The following MAF variants were observed in gnomAD, a reference collection of about 807,000 sequenced individuals.
MAF encodes the protein MAF bZIP transcription factor.
A neutral mutation model predicts 22.0 loss-of-function variants in MAF; 10 were observed. That is an observed-to-expected ratio of 0.45 (90% CI 0.28 to 0.77). MAF has a LOEUF of 0.77. Among genes scored for constraint, MAF ranks in the 30% least tolerant of loss-of-function variants. The pLI, the probability that MAF is intolerant of heterozygous loss-of-function variation, is 0.12. For synonymous variants in MAF, 337 were observed against 255.8 expected, an observed-to-expected ratio of 1.32 and a Z score of -3.03; for missense variants, 544 against 548.4, an observed-to-expected ratio of 0.99 and a Z score of 0.08.
At chr16:79,442,251 T>C in the MAF span, among the ~76,000 whole-genome samples, 1 of 152,212 alleles carries the variant, frequency 6.6e-6, no homozygotes, top group African/African-American at 2.4e-5. Context: ...AGGACCAAGA[T>C]ATCGGTGATG....
chr16:79,325,616 C>G, the MAF span, among the ~76,000 whole-genome samples: 1 of 148,054 alleles, frequency 6.8e-6, no homozygotes, highest in African/African-American at 2.7e-5. Context: ...CACACACACA[C>G]ACACACACAC....
At chr16:79,590,574 A>AC (rs1913135680), downstream of MAF, among the ~76,000 whole-genome samples, 1 of 152,136 alleles carries the variant, frequency 6.6e-6, no homozygotes, top group Non-Finnish European at 1.5e-5. Context: ...ATTGGACAGG[A>AC]GTCAGGTGGG....
At chr16:79,494,643 C>T in the MAF span, among the ~76,000 whole-genome samples, 1 of 152,290 alleles carries the variant, frequency 6.6e-6, no homozygotes, top group African/African-American at 2.4e-5. Flanking sequence ...AGTACTCACA[C>T]CACACTTCTG....
At chr16:79,210,378 G>C in the MAF span, among the ~76,000 whole-genome samples, 1 of 152,136 alleles carries the variant, frequency 6.6e-6, no homozygotes, top group Non-Finnish European at 1.5e-5. Flanking sequence ...TTGCAAACCA[G>C]ACCATTTGAG....
chr16:79,438,512 T>G, the MAF span, among the ~76,000 whole-genome samples: 1 of 152,144 alleles, frequency 6.6e-6, no homozygotes, highest in Admixed American at 6.5e-5. Context: ...GAAGTGGCAT[T>G]TGCTGGGTAC....
At chr16:79,487,518 T>C in the MAF span, among the ~76,000 whole-genome samples, 1 of 152,182 alleles carries the variant, frequency 6.6e-6, no homozygotes, top group Non-Finnish European at 1.5e-5. Flanking sequence ...AAGGCATTTT[T>C]TCTGTTTGGG....
the MAF span, among the ~76,000 whole-genome samples, chr16:79,333,957 G>A: frequency 5.3e-5 from 8 of 152,172 alleles, no homozygotes; most frequent in South Asian, 6.2e-4. Context: ...ATATAACCAC[G>A]TGTGGAAACC....
At chr16:79,386,321 G>C in the MAF span, among the ~76,000 whole-genome samples, 4 of 152,210 alleles carry the variant, frequency 2.6e-5, no homozygotes, top group Non-Finnish European at 4.4e-5. Flanking sequence ...ATCTGGGGGT[G>C]ATGGGAGACA....
chr16:79,377,018 T>G, the MAF span, among the ~76,000 whole-genome samples: 2 of 152,214 alleles, frequency 1.3e-5, no homozygotes, highest in Non-Finnish European at 2.9e-5. Flanking sequence ...GCATGTTTTA[T>G]AATCCTTTGG....
chr16:79,261,101 G>A, the MAF span, among the ~76,000 whole-genome samples: 1 of 152,124 alleles, frequency 6.6e-6, no homozygotes, highest in South Asian at 2.1e-4. Flanking sequence ...GGGAGCAGGT[G>A]AGGAAGCTGG....
the MAF span, among the ~76,000 whole-genome samples, chr16:79,316,487 C>T: frequency 6.6e-6 from 1 of 152,170 alleles, no homozygotes; most frequent in South Asian, 2.1e-4. Flanking sequence ...TGTCTCTGAG[C>T]CTCGGTTTTC....
At chr16:79,537,261 G>C in the MAF span, among the ~76,000 whole-genome samples, 16 of 152,142 alleles carry the variant, frequency 1.1e-4, no homozygotes, top group Non-Finnish European at 8.8e-5. Context: ...GTTTTCCTTT[G>C]TGAGGCTGCA....
At chr16:79,350,593 T>A in the MAF span, among the ~76,000 whole-genome samples, 1 of 152,128 alleles carries the variant, frequency 6.6e-6, no homozygotes, top group Non-Finnish European at 1.5e-5. Context: ...GGCCCCACGC[T>A]GAAAAACCTC....
the MAF span, among the ~76,000 whole-genome samples, chr16:79,465,591 C>A: frequency 6.6e-6 from 1 of 152,086 alleles, no homozygotes; most frequent in East Asian, 1.9e-4. Flanking sequence ...CAGAGCGAGA[C>A]CCTGTTTCAA....
intron 1 of MAF, among the ~76,000 whole-genome samples, chr16:79,586,332 T>C (rs113496756): frequency 5.3e-5 from 8 of 152,210 alleles, no homozygotes; most frequent in African/African-American, 1.9e-4. Context: ...TCAAGGACTC[T>C]CAGGCTGTCC....
At chr16:79,371,017 C>G in the MAF span, among the ~76,000 whole-genome samples, 2 of 152,206 alleles carry the variant, frequency 1.3e-5, no homozygotes, top group African/African-American at 4.8e-5. Context: ...ATAAAGAATT[C>G]AGGCATGGCT....
At chr16:79,276,189 C>G in the MAF span, among the ~76,000 whole-genome samples, 2 of 151,908 alleles carry the variant, frequency 1.3e-5, no homozygotes, top group Admixed American at 6.6e-5. Flanking sequence ...GAAAACAGGC[C>G]ACAGACTCCA....
At chr16:79,211,924 TCACAACA>T in the MAF span, 4 of 1,539,894 alleles carry the variant, frequency 2.6e-6, no homozygotes, top group Admixed American at 2.0e-5. Flanking sequence ...ATAAGAGCAG[TCACAACA>T]GAGTGAAAAA....
At chr16:79,390,255 C>G in the MAF span, among the ~76,000 whole-genome samples, 1 of 152,022 alleles carries the variant, frequency 6.6e-6, no homozygotes, top group African/African-American at 2.4e-5. Flanking sequence ...TTACCCCAAC[C>G]TCCCATATTA....
Sources: gnomAD v4.1 joint callset for allele counts (sites outside exome capture counted in the v4.1 genomes callset) on GRCh38, gnomAD v4.1.1 for gene constraint, MANE v1.5 for transcripts, NCBI Gene and HGNC (gene_info 2026-07-23, HGNC 2026-07-21) for gene names.